The following CHST9 variants were observed in gnomAD, a reference collection of about 807,000 sequenced individuals.
CHST9 encodes GalNAc-4-sulfotransferase 2.
Under a neutral mutation model 44.4 loss-of-function variants are expected in CHST9, and 41 were observed. The observed-to-expected ratio is 0.92, with a 90% CI of 0.72 to 1.20. CHST9 has a LOEUF of 1.20. Among genes scored for constraint, CHST9 ranks in the 50% most tolerant of loss-of-function variants. CHST9 has a pLI of 0.00. For synonymous variants in CHST9, 171 were observed against 178.4 expected (o/e 0.96, Z 0.33); for missense variants, 504 against 516.5 (o/e 0.98, Z 0.23).
At chr18:26,987,229 T>C (rs1055251252) in intron 4 of CHST9, among the ~76,000 whole-genome samples, 2 of 151,882 alleles carry the variant, frequency 1.3e-5, no homozygotes, top group African/African-American at 4.8e-5. Context: ...CTAGGGAGAG[T>C]AGTTATATAA....
At position 26,992,496 on chromosome 18, in the gene CHST9, T is replaced by C. The variant is rs550840991; in HGVS notation, c.202+31620A>G. ...AGACTAGTTTTACTTAGTTGGTTGGTTGACAGATTAGAGTGTGAAAAAATT... is the reference window on the plus strand; with the variant it reads ...AGACTAGTTTTACTTAGTTGGTTGGCTGACAGATTAGAGTGTGAAAAAATT... On this transcript the variant is annotated intron_variant, in intron 4 of 5. Coordinates refer to ENST00000618847, the MANE Select transcript of CHST9 (RefSeq NM_031422.6). 3.9e-5 allele frequency among the ~76,000 whole-genome samples: 6 copies of C among 152,320 alleles called. 1 individual carries two copies. Among genetic ancestry groups the C allele is most frequent in the Admixed American group, 2.0e-4 (3 of 15,300 alleles).
At chr18:27,028,698 C>T (rs2057308882) in intron 3 of CHST9, among the ~76,000 whole-genome samples, 1 of 152,128 alleles carries the variant, frequency 6.6e-6, no homozygotes, top group Non-Finnish European at 1.5e-5. Flanking sequence ...CAGGCGCCCA[C>T]CACCAGGCCC....
At chr18:27,146,650 A>G (rs2058614591) in intron 1 of CHST9, among the ~76,000 whole-genome samples, 1 of 152,202 alleles carries the variant, frequency 6.6e-6, no homozygotes, top group African/African-American at 2.4e-5. Flanking sequence ...CTCCCTTCCC[A>G]TAAACAGAAT....
chr18:27,022,093 C>A (rs570566527), intron 4 of CHST9, among the ~76,000 whole-genome samples: 82 of 152,248 alleles, frequency 5.4e-4, no homozygotes, highest in African/African-American at 1.9e-3. Context: ...GTTCTCTGAC[C>A]TATGAATTGC....
At chr18:27,022,035 T>C (rs948763547) in intron 4 of CHST9, among the ~76,000 whole-genome samples, 1 of 152,214 alleles carries the variant, frequency 6.6e-6, no homozygotes, top group Non-Finnish European at 1.5e-5. Context: ...GCATGTGTTC[T>C]GGCCAAGTGC....
intron 4 of CHST9, among the ~76,000 whole-genome samples, chr18:27,022,884 C>T (rs185564801): frequency 6.6e-6 from 1 of 152,268 alleles, no homozygotes; most frequent in Admixed American, 6.5e-5. Context: ...TTATGGGCTA[C>T]CAGTAAAGTG....
At chr18:26,992,930 C>T (rs1481264482) in intron 4 of CHST9, among the ~76,000 whole-genome samples, 1 of 152,166 alleles carries the variant, frequency 6.6e-6, no homozygotes, top group Non-Finnish European at 1.5e-5. Context: ...CATTTGCAGG[C>T]TCTTTTGTTT....
intron 2 of CHST9, among the ~76,000 whole-genome samples, chr18:27,115,239 G>A (rs80072436): frequency 0.018 from 2,705 of 152,128 alleles, 71 homozygotes; most frequent in African/African-American, 0.06. Flanking sequence ...GACTAATACA[G>A]ATATATTTAT....
In CHST9 at chr18:27,080,914, A is replaced by G. The variant is rs538114242; in HGVS notation, c.122-32411T>C. The stretch of plus-strand genomic sequence containing the variant: ...TCCATGAATCTGAAGAATTTAAGGC[A>G]ACAGCTCACTGACATGACCAAGAAG... On this transcript the variant is annotated intron_variant, in intron 2 of 5. Transcript: ENST00000618847. Among the ~76,000 whole-genome samples the G allele has an allele frequency of 2.7e-5, 4 of 148,618 alleles. No individual in the cohort carries two copies. In the East Asian group the frequency reaches 8.2e-4, roughly 30 times the overall value.
intron 4 of CHST9, among the ~76,000 whole-genome samples, chr18:26,967,975 C>G (rs2145163259): frequency 6.6e-6 from 1 of 152,352 alleles, no homozygotes; most frequent in South Asian, 2.1e-4. Context: ...GACTCTTGGA[C>G]TTACATCAGT....
chr18:27,154,502 T>C (rs1395660463), intron 1 of CHST9, among the ~76,000 whole-genome samples: 1 of 151,986 alleles, frequency 6.6e-6, no homozygotes, highest in Non-Finnish European at 1.5e-5. Context: ...CAGCTTTACT[T>C]TTGGGGAAGA....
chr18:26,982,872 C>T (rs1324848196), intron 4 of CHST9, among the ~76,000 whole-genome samples: 1 of 152,048 alleles, frequency 6.6e-6, no homozygotes, highest in African/African-American at 2.4e-5. Context: ...AATTATATGC[C>T]ACACTCTGGG....
intron 1 of CHST9, among the ~76,000 whole-genome samples, chr18:27,183,798 G>A (rs1426416031): frequency 6.6e-6 from 1 of 152,130 alleles, no homozygotes. Context: ...TGGTAGTTCA[G>A]GGTGCTCTTG....
chr18:27,088,565 T>C (rs1261328656), intron 2 of CHST9, among the ~76,000 whole-genome samples: 1 of 151,998 alleles, frequency 6.6e-6, no homozygotes, highest in Non-Finnish European at 1.5e-5. Context: ...CAGCTAATTT[T>C]TGTATTTTTA....
rs1291351793 is a variant in CHST9, at chr18:27,181,247, G to C, written c.-97+3889C>G. Among the ~76,000 whole-genome samples the C allele has an allele frequency of 2.0e-5, 3 of 152,152 alleles. No individual in the cohort carries two copies. In the East Asian group the frequency reaches 5.8e-4, roughly 29 times the overall value. ...CAAAATCTATGTCCAACTAAAAACT[G>C]ACTATAAACAAGATATTTCATGCTA... On this transcript the variant is annotated intron_variant, in intron 1 of 5. Coordinates refer to ENST00000618847, the MANE Select transcript of CHST9 (RefSeq NM_031422.6).
At chr18:27,051,170 T>C (rs1439952396) in intron 2 of CHST9, among the ~76,000 whole-genome samples, 2 of 152,138 alleles carry the variant, frequency 1.3e-5, no homozygotes, top group Non-Finnish European at 2.9e-5. Flanking sequence ...CCCTATGCTT[T>C]GGGAGGCTGA....
At position 26,991,829 on chromosome 18, in the gene CHST9, G is replaced by T. The variant is rs2056820310; in HGVS notation, c.202+32287C>A. On this transcript the variant is annotated intron_variant, in intron 4 of 5. Transcript: ENST00000618847. ...TCTAGTAATAGGGTGTTCATTGATG[G>T]CCCAGAGCAGTTTTGTAAAGTGATG... 1.6e-5 allele frequency among the ~76,000 whole-genome samples: 2 copies of T among 127,102 alleles called. 1 individual carries two copies. The highest frequency in any genetic ancestry group is 5.3e-5 in the African/African-American group (2 of 37,656). The allele number at this position is 127,102 out of a possible 152,430, so 83.4% of individuals were successfully genotyped here.
intron 4 of CHST9, among the ~76,000 whole-genome samples, chr18:26,986,330 T>C (rs2056754716): frequency 6.6e-6 from 1 of 152,056 alleles, no homozygotes; most frequent in Non-Finnish European, 1.5e-5. Context: ...CGGGATATGA[T>C]TAATATCAGA....
intron 4 of CHST9, among the ~76,000 whole-genome samples, chr18:26,966,563 ATC>A (rs566048399): frequency 1.3e-5 from 2 of 152,086 alleles, no homozygotes; most frequent in African/African-American, 4.8e-5. Flanking sequence ...CTGGCTTGGA[ATC>A]TCTCTCTCTT....
Sources: allele counts gnomAD v4.1 joint callset (sites outside exome capture counted in the v4.1 genomes callset), GRCh38; gene constraint gnomAD v4.1.1; transcripts MANE v1.5; gene names NCBI Gene and HGNC (gene_info 2026-07-23, HGNC 2026-07-21).